CDC42BPB: variants seen among roughly 807,000 people sequenced by gnomAD.
CDC42BPB encodes CDC42 binding protein kinase beta.
In CDC42BPB, 37 loss-of-function variants were observed where a neutral mutation model predicts 214.9. That is an observed-to-expected ratio of 0.17 (90% confidence interval 0.13 to 0.23). CDC42BPB has a LOEUF of 0.23. Ranked by LOEUF, CDC42BPB falls within the 10% of genes least tolerant of loss-of-function variation. The probability of loss-of-function intolerance (pLI) is 1.00; values close to 1 mark genes in which losing one functional copy is unlikely to be tolerated. For missense variants in CDC42BPB, 1,694 were observed against 2,227.0 expected, an observed-to-expected ratio of 0.76 and a Z score of 4.82; for synonymous variants, 931 against 884.0, an observed-to-expected ratio of 1.05 and a Z score of -0.94.
At position 102,943,202 on chromosome 14, in the gene CDC42BPB, G is replaced by A. The variant is rs1241295948; in HGVS notation, c.4408+689C>T. On this transcript the variant is annotated intron_variant, in intron 30 of 36. Transcript: ENST00000361246. The surrounding 1 kb of genome is among the most constrained non-coding windows in gnomAD (Gnocchi z 4.6). The stretch of plus-strand genomic sequence containing the variant: ...GAGATGAGGCTGGTATTGAACTTCT[G>A]AGCTCAAGTGAGCCTCCTGCCTCAG... 6.6e-6 allele frequency among the ~76,000 whole-genome samples: 1 copy of A among 151,946 alleles called. No homozygotes were observed. The highest frequency in any genetic ancestry group is 1.5e-5 in the Non-Finnish European group (1 of 67,994).
At chr14:102,984,358 A>G (rs28655094) in intron 6 of CDC42BPB, among the ~76,000 whole-genome samples, 9,361 of 152,220 alleles carry the variant, frequency 0.061, 336 homozygotes, top group African/African-American at 0.098. Flanking sequence ...AAGAGGCTGC[A>G]TTTCTAATAA....
intron 20 of CDC42BPB, among the ~76,000 whole-genome samples, chr14:102,960,111 G>T (rs1892892381): frequency 6.6e-6 from 1 of 151,830 alleles, no homozygotes; most frequent in Non-Finnish European, 1.5e-5. Context: ...GGAGGCTGAG[G>T]CAGGAGAATC....
At chr14:103,029,016 C>A (rs561660559) in intron 1 of CDC42BPB, among the ~76,000 whole-genome samples, 61 of 152,114 alleles carry the variant, frequency 4.0e-4, no homozygotes, top group South Asian at 8.3e-4. Context: ...AGTCCAACTG[C>A]CAATCTTTCT....
At chr14:103,054,252 G>A (rs763815134) in intron 1 of CDC42BPB, among the ~76,000 whole-genome samples, 55 of 152,276 alleles carry the variant, frequency 3.6e-4, no homozygotes, top group Non-Finnish European at 5.6e-4. Flanking sequence ...AATCTGGGCT[G>A]AATCAGCTAC....
intron 36 of CDC42BPB, 169 bp from the exon 37 acceptor site, chr14:102,934,012 G>A (rs1891518169): frequency 7.3e-7 from 1 of 1,364,242 alleles, no homozygotes; most frequent in Admixed American, 4.1e-5. Flanking sequence ...GGGCCCTTAG[G>A]CGTGCTGGTG....
intron 27 of CDC42BPB, among the ~76,000 whole-genome samples, chr14:102,947,409 G>A (rs545643838): frequency 5.9e-5 from 9 of 152,328 alleles, no homozygotes; most frequent in East Asian, 1.9e-4. Flanking sequence ...CACAGCGCCC[G>A]CCTGGCAGTG....
chr14:103,057,136 A>G lies in CDC42BPB; in HGVS notation c.38T>C (p.Leu13Pro). The stretch of plus-strand genomic sequence containing the variant: ...GTTGCGCCAGGGCCCGTCCAGGAGC[A>G]GCTGCTCCAGCTTCTTGAGCCGCAC... The part of the protein sequence containing the change: ...AKVRLKKLEQ[L>P]LLDGPWRNES... The change falls in exon 1 of 37, where the codon CTG becomes CCG. Residue 13 changes from leucine (L) to proline (P), a missense_variant. Around this residue, in one of 7 missense-constraint regions of CDC42BPB, gnomAD observed 83 missense variants for 79.9 expected, o/e 1.04. Coordinates refer to ENST00000361246, the MANE Select transcript of CDC42BPB (RefSeq NM_006035.4). 6.6e-7 allele frequency: 1 copy of G among 1,504,578 alleles called. No homozygotes were observed. The highest frequency in any genetic ancestry group is 1.4e-5 in the African/African-American group (1 of 69,382). The allele number at this position is 1,504,578 out of a possible 1,614,324, so 93.2% of individuals were successfully genotyped here.
chr14:102,971,892 C>T, intron 13 of CDC42BPB, 27 bp downstream of exon 13: 1 of 1,604,558 alleles, frequency 6.2e-7, no homozygotes, highest in Non-Finnish European at 8.5e-7. Flanking sequence ...CCAGTCGATA[C>T]CATCCCTGAA....
chr14:103,010,866 C>A (rs939170757), intron 2 of CDC42BPB, among the ~76,000 whole-genome samples: 22 of 152,138 alleles, frequency 1.4e-4, no homozygotes, highest in African/African-American at 5.3e-4. Context: ...CCCATCTCTA[C>A]TAAAAATACA....
At position 102,988,871 on chromosome 14, in the gene CDC42BPB, C is replaced by CAAAA. The variant is rs34126680; in HGVS notation, c.597-2295_597-2292dup. ...AACAAAACAAAACAACCCCCCCTTC[C>CAAAA]AAAAAAAAAAAAAAAACAAACAAAC... is the stretch of plus-strand genomic sequence containing the variant. On this transcript the variant is annotated intron_variant, in intron 5 of 36. Transcript: ENST00000361246. Among the ~76,000 whole-genome samples the CAAAA allele has an allele frequency of 2.6e-3, 309 of 116,736 alleles. 1 individual carries two copies. The highest frequency in any genetic ancestry group is 9.0e-3 in the African/African-American group (281 of 31,088). 76.6% of individuals were successfully genotyped at this position (116,736 alleles called of 152,430 possible). A position where few individuals can be genotyped will look rare whatever the true frequency, so the allele number is the denominator to read the frequency against.
chr14:103,023,130 C>G lies in CDC42BPB; in HGVS notation c.176-10942G>C, dbSNP rs567896679. On this transcript the variant is annotated intron_variant, in intron 1 of 36. Coordinates refer to ENST00000361246, the MANE Select transcript of CDC42BPB (RefSeq NM_006035.4). The stretch of plus-strand genomic sequence containing the variant: ...TCAAGTGATTCTCCCCTCAGTCTCC[C>G]GAGTAGCAGACTACAGGTGCGCATT... 1.9e-3 allele frequency among the ~76,000 whole-genome samples: 293 copies of G among 151,376 alleles called. 4 individuals are homozygous for G. Among genetic ancestry groups the G allele is most frequent in the African/African-American group, 6.8e-3 (282 of 41,196 alleles).
At chr14:103,031,478 T>C (rs535745848) in intron 1 of CDC42BPB, among the ~76,000 whole-genome samples, 4 of 152,352 alleles carry the variant, frequency 2.6e-5, no homozygotes, top group Admixed American at 2.0e-4. Flanking sequence ...GCAGTCTGCA[T>C]TTCCTTTCAC....
intron 9 of CDC42BPB, 89 bp from the exon 10 acceptor site, chr14:102,976,138 C>G: frequency 6.5e-7 from 1 of 1,536,992 alleles, no homozygotes; most frequent in Non-Finnish European, 8.7e-7. Flanking sequence ...GAAAGATAGT[C>G]TTTTTAAATC....
At chr14:102,952,021 G>A (rs1027088804) in intron 24 of CDC42BPB, among the ~76,000 whole-genome samples, 2 of 152,082 alleles carry the variant, frequency 1.3e-5, no homozygotes, top group African/African-American at 4.8e-5. Context: ...AGGGATCCAC[G>A]GTTCCACAGA....
chr14:103,048,532 CAA>C (rs71119751), intron 1 of CDC42BPB, among the ~76,000 whole-genome samples: 812 of 42,578 alleles, frequency 0.019, 3 homozygotes, highest in Middle Eastern at 0.042. Context: ...ACTAAAAATA[CAA>C]AAAAAAAAAA....
chr14:103,046,640 AAAGG>A (rs936467777), intron 1 of CDC42BPB, among the ~76,000 whole-genome samples: 4 of 152,296 alleles, frequency 2.6e-5, no homozygotes, highest in African/African-American at 9.6e-5. Context: ...GATGTTACAA[AAAGG>A]AATACTGAGA....
At chr14:102,991,010 C>T (rs1219838278) in intron 5 of CDC42BPB, among the ~76,000 whole-genome samples, 1 of 152,186 alleles carries the variant, frequency 6.6e-6, no homozygotes, top group Non-Finnish European at 1.5e-5. Flanking sequence ...AATCTGCAAC[C>T]ATGCAAAGAC....
intron 17 of CDC42BPB, 36 bp from the exon 18 acceptor site, chr14:102,966,423 A>G (rs1439725314): frequency 1.2e-6 from 2 of 1,606,360 alleles, no homozygotes; most frequent in African/African-American, 1.3e-5. Context: ...CTCACGAAGC[A>G]TGGCTATCAG....
chr14:102,968,289 A>G lies in CDC42BPB; in HGVS notation c.2310T>C (p.Phe770=), dbSNP rs770703531. 1.2e-6 allele frequency: 2 copies of G among 1,614,044 alleles called. No homozygotes were observed. Among genetic ancestry groups the G allele is most frequent in the Non-Finnish European group, 1.7e-6 (2 of 1,179,950 alleles). ...DKYERERAML[F]DENKKLTAEN... Reference sequence around the variant, plus strand: ...CAGCAGTTAGCTTCTTGTTTTCATCAAACAGCATCGCTCTTTCTCGTTCGT... The same window carrying G: ...CAGCAGTTAGCTTCTTGTTTTCATCGAACAGCATCGCTCTTTCTCGTTCGT... The change falls in exon 16 of 37, where the codon TTT becomes TTC. Residue 770 remains phenylalanine, a synonymous_variant. Coordinates refer to ENST00000361246, the MANE Select transcript of CDC42BPB (RefSeq NM_006035.4).
Sources: allele counts gnomAD v4.1 joint callset (sites outside exome capture counted in the v4.1 genomes callset), GRCh38; gene constraint gnomAD v4.1.1; regional missense constraint gnomAD v4.1.1; non-coding constraint Gnocchi (gnomAD v3.1); transcripts MANE v1.5; gene names NCBI Gene and HGNC (gene_info 2026-07-23, HGNC 2026-07-21).